The following DSCAM variants were observed in gnomAD, a reference collection of about 807,000 sequenced individuals.
DSCAM encodes the protein cell adhesion molecule DSCAM.
In DSCAM, 47 loss-of-function variants were observed where a neutral mutation model predicts 217.7. The ratio of observed to expected loss-of-function variants is 0.22; its 90% CI spans 0.17 to 0.28. The LOEUF is 0.28. Among genes scored for constraint, DSCAM ranks in the 10% least tolerant of loss-of-function variants. The pLI is 1.00. For missense variants in DSCAM, 2,080 were observed against 2,618.3 expected, an observed-to-expected ratio of 0.79 and a Z score of 4.49; for synonymous variants, 1,056 against 1,015.3, an observed-to-expected ratio of 1.04 and a Z score of -0.76.
intron 3 of DSCAM, among the ~76,000 whole-genome samples, chr21:40,639,029 A>G (rs2089843565): frequency 6.6e-6 from 1 of 151,104 alleles, no homozygotes; most frequent in Non-Finnish European, 1.5e-5. Flanking sequence ...GGGGATTCCC[A>G]TGTTTGCTCA....
At chr21:40,617,818 T>A (rs1036549556) in intron 3 of DSCAM, among the ~76,000 whole-genome samples, 1 of 152,206 alleles carries the variant, frequency 6.6e-6, no homozygotes, top group African/African-American at 2.4e-5. Context: ...TACAAGCACA[T>A]CTAGAAATAG....
At chr21:40,237,822 AT>A (rs2073099590) in intron 11 of DSCAM, among the ~76,000 whole-genome samples, 1 of 152,170 alleles carries the variant, frequency 6.6e-6, no homozygotes, top group South Asian at 2.1e-4. Context: ...GGCTGCCTAA[AT>A]TCCTTGGTTC....
At position 40,347,938 on chromosome 21, in the gene DSCAM, C is replaced by A. The variant is rs2074577376; in HGVS notation, c.942G>T (p.Leu314=). Residue 314 remains leucine (L), a synonymous_variant, in exon 6 of 33, where the codon CTG becomes CTT. Coordinates refer to ENST00000400454, the MANE Select transcript of DSCAM (RefSeq NM_001389.5). ...VIGRLYVKQP[L]KATISPRKVK... ...CCTTCCTGGGACTGATGGTGGCTTT[C>A]AGTGGCTCTGGAGGTTTTAGTAAGA... 1 of 1,612,184 alleles carries A rather than the reference C, an allele frequency of 6.2e-7. No homozygotes were observed. The highest frequency in any genetic ancestry group is 1.3e-5 in the African/African-American group (1 of 74,934).
chr21:40,408,983 T>A (rs2075300944), intron 3 of DSCAM, among the ~76,000 whole-genome samples: 1 of 152,256 alleles, frequency 6.6e-6, no homozygotes, highest in Non-Finnish European at 1.5e-5. Context: ...TGTGTGGTTA[T>A]CTTTTTCTCT....
intron 11 of DSCAM, among the ~76,000 whole-genome samples, chr21:40,271,394 T>A (rs1157829007): frequency 6.6e-6 from 1 of 152,172 alleles, no homozygotes; most frequent in African/African-American, 2.4e-5. Context: ...GCAGAGCGGC[T>A]TGTTCACTGT....
chr21:40,311,502 T>A (rs1429863046), intron 9 of DSCAM, among the ~76,000 whole-genome samples: 3 of 152,216 alleles, frequency 2.0e-5, no homozygotes, highest in Admixed American at 1.3e-4. Context: ...CCTATTTTAA[T>A]TTTTTTGAAT....
intron 11 of DSCAM, among the ~76,000 whole-genome samples, chr21:40,243,324 C>A (rs2073178662): frequency 1.3e-5 from 2 of 152,104 alleles, no homozygotes; most frequent in African/African-American, 2.4e-5. Flanking sequence ...ATGGATTGAG[C>A]ATTTCCTTGA....
chr21:40,733,415 A>T (rs2091032681), intron 1 of DSCAM, among the ~76,000 whole-genome samples: 1 of 152,148 alleles, frequency 6.6e-6, no homozygotes. Context: ...CCCTAGGGAA[A>T]ATTAGCAATG....
rs2075115163 is a variant in DSCAM at position 40,389,494 on chromosome 21, A to C, written c.509-20249T>G. ...AAAATCTATGCTGAATTACCATAAT[A>C]GGATTTTTATCATTAATACTGTCCA... On this transcript the variant is annotated intron_variant, in intron 3 of 32. Coordinates refer to ENST00000400454, the MANE Select transcript of DSCAM (RefSeq NM_001389.5). Among the ~76,000 whole-genome samples, 4 of 152,238 alleles carry C rather than the reference A, an allele frequency of 2.6e-5. 1 individual carries two copies. Among genetic ancestry groups the C allele is most frequent in the Admixed American group, 1.3e-4 (2 of 15,276 alleles).
At chr21:40,383,412 T>C (rs1054569691) in intron 3 of DSCAM, 5 of 152,248 alleles carry the variant, frequency 3.3e-5, no homozygotes, top group Non-Finnish European at 7.3e-5. Context: ...ACTGATGGTA[T>C]GCAGCTGATA....
chr21:40,755,655 G>A (rs1601217862), intron 1 of DSCAM, among the ~76,000 whole-genome samples: 1 of 152,090 alleles, frequency 6.6e-6, no homozygotes, highest in Non-Finnish European at 1.5e-5. Flanking sequence ...AAGGCAGAGA[G>A]CAGGACTGAG....
chr21:40,455,047 T>C (rs2837636), intron 3 of DSCAM, among the ~76,000 whole-genome samples: 51,516 of 151,992 alleles, frequency 0.34, 8,894 homozygotes, highest in Non-Finnish European at 0.37. Flanking sequence ...CCTACTAATC[T>C]AGTTATGCTT....
chr21:40,563,790 G>T (rs567523528), intron 3 of DSCAM, among the ~76,000 whole-genome samples: 1 of 147,138 alleles, frequency 6.8e-6, no homozygotes, highest in Non-Finnish European at 1.5e-5. Context: ...ATGTTTATAT[G>T]TTTATATATA....
At chr21:40,269,279 T>G (rs1455294712) in intron 11 of DSCAM, among the ~76,000 whole-genome samples, 2 of 152,220 alleles carry the variant, frequency 1.3e-5, no homozygotes, top group Admixed American at 1.3e-4. Context: ...GAGTCCCGTA[T>G]TAAGAATACG....
chr21:40,522,767 C>T (rs1390331382), intron 3 of DSCAM, among the ~76,000 whole-genome samples: 1 of 152,188 alleles, frequency 6.6e-6, no homozygotes, highest in South Asian at 2.1e-4. Flanking sequence ...GATGCCAAAT[C>T]TTCCTGTTTC....
chr21:40,046,156 A>G (rs552182565), intron 30 of DSCAM, among the ~76,000 whole-genome samples: 3 of 152,222 alleles, frequency 2.0e-5, no homozygotes, highest in Non-Finnish European at 4.4e-5. Context: ...CCATGTTGGA[A>G]TGTGAAAGGC....
Position 40,144,360 on chromosome 21 carries a change from C to A in DSCAM, c.3259+131G>T, listed in dbSNP as rs75776507. ...GGTCACGAGGGAAGGCTTTTCCACC[C>A]GAGACCCCAGGCCCTGCAGGTCACT... On this transcript the variant is annotated intron_variant, in intron 17 of 32. Coordinates refer to ENST00000400454, the MANE Select transcript of DSCAM (RefSeq NM_001389.5). The surrounding 1 kb of genome is among the most constrained non-coding windows in gnomAD (Gnocchi z 4.8). 7.7e-4 allele frequency: 1,108 copies of A among 1,432,460 alleles called. 15 individuals are homozygous for A. In the East Asian group the frequency reaches 0.025, roughly 32 times the overall value. 88.7% of individuals were successfully genotyped at this position (1,432,460 alleles called of 1,614,324 possible). A position where few individuals can be genotyped will look rare whatever the true frequency, so the allele number is the denominator to read the frequency against.
At chr21:40,360,853 AT>A (rs1221280213) in intron 4 of DSCAM, among the ~76,000 whole-genome samples, 3 of 152,140 alleles carry the variant, frequency 2.0e-5, no homozygotes, top group Non-Finnish European at 2.9e-5. Flanking sequence ...GCTGGGTCAA[AT>A]GGTAGCTCTA....
At chr21:40,494,730 A>G (rs1157348753) in intron 3 of DSCAM, among the ~76,000 whole-genome samples, 1 of 152,030 alleles carries the variant, frequency 6.6e-6, no homozygotes, top group Non-Finnish European at 1.5e-5. Flanking sequence ...TAAGCCCATA[A>G]TTGGTAGAAG....
Sources: allele counts gnomAD v4.1 joint callset (sites outside exome capture counted in the v4.1 genomes callset), GRCh38; gene constraint gnomAD v4.1.1; non-coding constraint Gnocchi (gnomAD v3.1); transcripts MANE v1.5; gene names NCBI Gene and HGNC (gene_info 2026-07-23, HGNC 2026-07-21).